MAGI2: variants seen among roughly 807,000 people sequenced by gnomAD.
The protein encoded by MAGI2 is membrane associated guanylate kinase, WW and PDZ domain containing 2, also known as membrane-associated guanylate kinase, WW and PDZ domain-containing protein 2.
In MAGI2, 35 loss-of-function variants were observed where a neutral mutation model predicts 133.3. The ratio of observed to expected loss-of-function variants is 0.26; its 90% CI spans 0.20 to 0.35. MAGI2 has a LOEUF of 0.35. Ranked by LOEUF, MAGI2 falls within the 10% of genes least tolerant of loss-of-function variation. The probability of loss-of-function intolerance (pLI) is 1.00; values close to 1 mark genes in which losing one functional copy is unlikely to be tolerated. For synonymous variants in MAGI2, 729 were observed against 710.6 expected (o/e 1.03, Z -0.41); for missense variants, 1,636 against 1,863.4 (o/e 0.88, Z 2.25).
At chr7:78,496,098 T>C (rs945710888) in intron 5 of MAGI2, among the ~76,000 whole-genome samples, 3 of 152,180 alleles carry the variant, frequency 2.0e-5, no homozygotes, top group African/African-American at 7.2e-5. Flanking sequence ...TTGTTTAACG[T>C]TTTTTGGAAA....
At chr7:79,034,189 G>A (rs10255028) in intron 1 of MAGI2, among the ~76,000 whole-genome samples, 1 of 151,980 alleles carries the variant, frequency 6.6e-6, no homozygotes, top group African/African-American at 2.4e-5. Flanking sequence ...AGGACTGAAG[G>A]CTGATGATAT....
intron 6 of MAGI2, among the ~76,000 whole-genome samples, chr7:78,469,630 C>T (rs1309649111): frequency 6.6e-6 from 1 of 152,026 alleles, no homozygotes; most frequent in Non-Finnish European, 1.5e-5. Context: ...TTGTTTCTCC[C>T]AATTATCTTT....
chr7:78,644,109 G>A (rs147675123), intron 2 of MAGI2, among the ~76,000 whole-genome samples: 5 of 151,952 alleles, frequency 3.3e-5, no homozygotes, highest in Admixed American at 2.6e-4. Context: ...TAATAAAGGA[G>A]TCAATTCCTT....
At chr7:79,417,864 G>T (rs1846646219) in intron 1 of MAGI2, among the ~76,000 whole-genome samples, 1 of 151,806 alleles carries the variant, frequency 6.6e-6, no homozygotes, top group African/African-American at 2.4e-5. Context: ...TCTTGATGTA[G>T]AAACAAAGAG....
intron 2 of MAGI2, among the ~76,000 whole-genome samples, chr7:78,705,625 A>T (rs10253331): frequency 0.088 from 13,424 of 152,166 alleles, 790 homozygotes; most frequent in East Asian, 0.16. Context: ...GACTGTGAAG[A>T]AGCTGATTCT....
chr7:78,472,109 A>G (rs1428177856), intron 6 of MAGI2, among the ~76,000 whole-genome samples: 4 of 152,080 alleles, frequency 2.6e-5, no homozygotes, highest in African/African-American at 9.7e-5. Context: ...TCTGGATAGT[A>G]TCAAGTGTTT....
chr7:78,728,904 C>T (rs1459432249), intron 2 of MAGI2, among the ~76,000 whole-genome samples: 2 of 152,104 alleles, frequency 1.3e-5, no homozygotes, highest in South Asian at 4.1e-4. Flanking sequence ...AAAAATGATT[C>T]ATCTTACTCT....
intron 1 of MAGI2, among the ~76,000 whole-genome samples, chr7:79,220,274 A>G (rs1408089033): frequency 2.0e-5 from 3 of 152,024 alleles, no homozygotes; most frequent in African/African-American, 4.8e-5. Flanking sequence ...GTTGATCAGA[A>G]CATGTCTCAT....
intron 1 of MAGI2, among the ~76,000 whole-genome samples, chr7:79,017,783 T>C (rs1301362390): frequency 6.6e-6 from 1 of 152,128 alleles, no homozygotes; most frequent in Non-Finnish European, 1.5e-5. Context: ...AATTTCATAA[T>C]GCAATCACAA....
At chr7:78,441,291 G>A (rs926315562) in intron 6 of MAGI2, among the ~76,000 whole-genome samples, 1 of 152,122 alleles carries the variant, frequency 6.6e-6, no homozygotes, top group South Asian at 2.1e-4. Flanking sequence ...GAGGTAAAAG[G>A]GATCTGACCT....
chr7:78,951,246 A>G (rs1584482963), intron 2 of MAGI2, among the ~76,000 whole-genome samples: 1 of 152,264 alleles, frequency 6.6e-6, no homozygotes, highest in Non-Finnish European at 1.5e-5. Context: ...TGCTGGGATT[A>G]CAGGCATGAG....
At chr7:78,344,410 G>T (rs551381559) in intron 8 of MAGI2, among the ~76,000 whole-genome samples, 2 of 152,062 alleles carry the variant, frequency 1.3e-5, no homozygotes, top group Non-Finnish European at 2.9e-5. Context: ...AAGAAATAAG[G>T]GTAGAGAAAT....
intron 2 of MAGI2, among the ~76,000 whole-genome samples, chr7:78,869,900 G>C (rs756236740): frequency 6.6e-6 from 1 of 152,152 alleles, no homozygotes; most frequent in African/African-American, 2.4e-5. Context: ...TCAGTTGGCT[G>C]TAAGTATTTG....
intron 2 of MAGI2, among the ~76,000 whole-genome samples, chr7:78,657,532 A>C (rs548786725): frequency 7.9e-4 from 121 of 152,342 alleles, no homozygotes; most frequent in African/African-American, 2.7e-3. Flanking sequence ...ATTTAAATGC[A>C]CATTACTAAG....
chr7:79,304,923 A>C (rs762988966), intron 1 of MAGI2, among the ~76,000 whole-genome samples: 2 of 152,216 alleles, frequency 1.3e-5, no homozygotes, highest in Non-Finnish European at 1.5e-5. Flanking sequence ...CACAGTGCTT[A>C]TGTGGCTGGG....
At chr7:78,054,301 T>A (rs1051557563) in intron 21 of MAGI2, among the ~76,000 whole-genome samples, 1 of 152,170 alleles carries the variant, frequency 6.6e-6, no homozygotes, top group Non-Finnish European at 1.5e-5. Context: ...AATTTTTGTA[T>A]TTTTAGTAGA....
chr7:78,239,610 A>T (rs1376577993), intron 10 of MAGI2, among the ~76,000 whole-genome samples: 1 of 152,244 alleles, frequency 6.6e-6, no homozygotes, highest in African/African-American at 2.4e-5. Context: ...CTGAGTAGGT[A>T]TTTATCACAA....
intron 1 of MAGI2, among the ~76,000 whole-genome samples, chr7:79,346,317 A>G (rs1841310217): frequency 6.6e-6 from 1 of 152,046 alleles, no homozygotes; most frequent in African/African-American, 2.4e-5. Flanking sequence ...TGAACATTTC[A>G]CCACTCATAA....
intron 2 of MAGI2, among the ~76,000 whole-genome samples, chr7:78,827,976 C>A (rs1790812883): frequency 6.6e-6 from 1 of 152,158 alleles, no homozygotes. Flanking sequence ...CCTCCGCCTC[C>A]CAGGTTCAAG....
Sources: gnomAD v4.1 joint callset for allele counts (sites outside exome capture counted in the v4.1 genomes callset) on GRCh38, gnomAD v4.1.1 for gene constraint, MANE v1.5 for transcripts, NCBI Gene and HGNC (gene_info 2026-07-23, HGNC 2026-07-21) for gene names.